Variants in NTNG2 observed in about 807,000 individuals in gnomAD.
The protein encoded by NTNG2 is netrin G2.
A neutral mutation model predicts 47.6 loss-of-function variants in NTNG2; 15 were observed. The ratio of observed to expected loss-of-function variants is 0.32; its 90% confidence interval spans 0.21 to 0.49. The LOEUF (loss-of-function observed/expected upper bound fraction) is 0.49. Among genes scored for constraint, NTNG2 ranks in the 20% least tolerant of loss-of-function variants. The pLI, the probability that NTNG2 is intolerant of heterozygous loss-of-function variation, is 0.99. For missense variants in NTNG2, 578 were observed against 764.6 expected, an observed-to-expected ratio of 0.76 and a Z score of 2.88; for synonymous variants, 307 against 324.6, an observed-to-expected ratio of 0.95 and a Z score of 0.58.
At chr9:132,241,768 C>A in intron 7 of NTNG2, 108 bp from the exon 8 acceptor site, 1 of 792,794 alleles carries the variant, frequency 1.3e-6, no homozygotes, top group Non-Finnish European at 1.9e-6. Context: ...CCTACATCCC[C>A]GGCCCAGACG....
At position 132,163,663 on chromosome 9, in the gene NTNG2, C is replaced by A. The variant is rs1835267512; in HGVS notation, c.-484+1424C>A. 1.3e-5 allele frequency among the ~76,000 whole-genome samples: 2 copies of A among 152,090 alleles called. No homozygotes were observed. The highest frequency in any genetic ancestry group is 4.1e-4 in the South Asian group (2 of 4,832). ...GCCCCGGGAGCCCCCAGCGCCCTCC[C>A]TCCCGTGCCCCCAGGGGCCCCGCGC... On this transcript the variant is annotated intron_variant, in intron 1 of 7. Transcript: ENST00000393229. This position sits in a 1 kb window ranked among gnomAD's most constrained non-coding sequence, Gnocchi z 7.2.
chr9:132,241,383 T>C, intron 7 of NTNG2: 1 of 393,254 alleles, frequency 2.5e-6, no homozygotes, highest in Non-Finnish European at 4.6e-6. Context: ...AGGATGCTGC[T>C]GAGGTCCGGG....
At chr9:132,190,643 T>G (rs1261900696) in intron 2 of NTNG2, among the ~76,000 whole-genome samples, 1 of 152,232 alleles carries the variant, frequency 6.6e-6, no homozygotes, top group Non-Finnish European at 1.5e-5. Context: ...TGCCTGCAGC[T>G]TGCCTATGAT....
chr9:132,233,503 G>A (rs186049242), intron 5 of NTNG2: 1 of 152,372 alleles, frequency 6.6e-6, no homozygotes, highest in East Asian at 1.9e-4. Flanking sequence ...CCCTCAGTGA[G>A]CAGAAGGCAC....
At chr9:132,176,093 A>G (rs1238288589) in intron 2 of NTNG2, among the ~76,000 whole-genome samples, 1 of 152,190 alleles carries the variant, frequency 6.6e-6, no homozygotes, top group East Asian at 1.9e-4. Flanking sequence ...TCACACCTAT[A>G]ACCCCAGCAC....
At chr9:132,192,879 C>CTGTAAACACACAGGCTGTG (rs1838005061) in intron 2 of NTNG2, among the ~76,000 whole-genome samples, 1 of 152,264 alleles carries the variant, frequency 6.6e-6, no homozygotes, top group East Asian at 1.9e-4. Flanking sequence ...GGCGAGGGGC[C>CTGTAAACACACAGGCTGTG]TGTAAACACA....
At chr9:132,209,920 C>T (rs1332896190) in intron 3 of NTNG2, among the ~76,000 whole-genome samples, 3 of 8,460 alleles carry the variant, frequency 3.5e-4, no homozygotes, top group South Asian at 4.9e-3. Context: ...GTGGGGAGGG[C>T]GGGAGGGACG....
chr9:132,199,068 C>T (rs1838544160), intron 3 of NTNG2, among the ~76,000 whole-genome samples: 1 of 152,106 alleles, frequency 6.6e-6, no homozygotes, highest in African/African-American at 2.4e-5. Context: ...TAGGGACTGC[C>T]TAGGATGGCT....
rs1841186227 is a variant in NTNG2, at chr9:132,231,154, G to A, written c.1054+559G>A. On this transcript the variant is annotated intron_variant, in intron 5 of 7. Coordinates refer to ENST00000393229, the MANE Select transcript of NTNG2 (RefSeq NM_032536.4). This position sits in a 1 kb window ranked among gnomAD's most constrained non-coding sequence, Gnocchi z 4.1. The stretch of plus-strand genomic sequence containing the variant: ...TCAGGTCCCAGGGGAGTCGGACCAG[G>A]GAGGGGCATCTGCAGGAGGTGGGGG... 1 of 381,014 alleles carries A rather than the reference G, an allele frequency of 2.6e-6. No homozygotes were observed. Among genetic ancestry groups the A allele is most frequent in the Non-Finnish European group, 5.3e-6 (1 of 190,408 alleles). The allele number at this position is 381,014 out of a possible 1,614,324, so 23.6% of individuals were successfully genotyped here.
intron 3 of NTNG2, among the ~76,000 whole-genome samples, chr9:132,216,802 C>T (rs538328549): frequency 4.6e-5 from 7 of 152,208 alleles, no homozygotes; most frequent in South Asian, 2.1e-4. Context: ...GGAGCCCAGA[C>T]TGCCCGCCCA....
At chr9:132,212,738 A>G (rs1839683137) in intron 3 of NTNG2, among the ~76,000 whole-genome samples, 1 of 152,128 alleles carries the variant, frequency 6.6e-6, no homozygotes, top group Admixed American at 6.5e-5. Flanking sequence ...TCCCCATCCC[A>G]TGAATTAGCT....
intron 3 of NTNG2, among the ~76,000 whole-genome samples, chr9:132,220,076 T>C (rs936113937): frequency 1.3e-5 from 2 of 152,240 alleles, no homozygotes; most frequent in Non-Finnish European, 2.9e-5. Flanking sequence ...TGGTGTGCAT[T>C]TCCCTGATGG....
intron 3 of NTNG2, among the ~76,000 whole-genome samples, chr9:132,206,670 A>AAAAT (rs1172325199): frequency 1.3e-5 from 2 of 152,376 alleles, no homozygotes; most frequent in South Asian, 2.1e-4. Context: ...CCGTCTCAAA[A>AAAAT]AAATAAATAA....
chr9:132,231,319 G>T lies in NTNG2; in HGVS notation c.1054+724G>T, dbSNP rs1409153235. 2.2e-6 allele frequency: 1 copy of T among 456,394 alleles called. No homozygotes were observed. The allele number at this position is 456,394 out of a possible 1,614,324, so 28.3% of individuals were successfully genotyped here. ...GCCTTGCAAACCCCTCCCCCTGGGA[G>T]GTCGCCATCTGCTCTGCGAGGCAGC... On this transcript the variant is annotated intron_variant, in intron 5 of 7. Transcript: ENST00000393229. This position sits in a 1 kb window ranked among gnomAD's most constrained non-coding sequence, Gnocchi z 4.1.
intron 5 of NTNG2, among the ~76,000 whole-genome samples, chr9:132,235,771 C>T (rs1361667374): frequency 2.0e-5 from 3 of 152,198 alleles, no homozygotes; most frequent in Non-Finnish European, 4.4e-5. Context: ...GAAGCGCCCT[C>T]TTAGACTCGT....
chr9:132,167,061 C>T lies in NTNG2; in HGVS notation c.213+17C>T. The T allele has an allele frequency of 6.2e-7, 1 of 1,612,256 alleles. No individual in the cohort carries two copies. The highest frequency in any genetic ancestry group is 1.7e-5 in the Admixed American group (1 of 59,958). ...TGCTCCCATGTAAGTCCACTTACTG[C>T]TCTTTTGTTTGCCCAGGCCAAGTGG... is the stretch of plus-strand genomic sequence containing the variant. On this transcript the variant is annotated intron_variant, in intron 2 of 7. Transcript: ENST00000393229.
At chr9:132,171,094 T>C (rs1343379729) in intron 2 of NTNG2, among the ~76,000 whole-genome samples, 1 of 152,168 alleles carries the variant, frequency 6.6e-6, no homozygotes, top group Non-Finnish European at 1.5e-5. Context: ...CGGGCCTTGC[T>C]TGCCAAGGCG....
intron 3 of NTNG2, among the ~76,000 whole-genome samples, chr9:132,200,207 C>T (rs578117955): frequency 3.9e-5 from 6 of 152,190 alleles, no homozygotes; most frequent in African/African-American, 7.2e-5. Flanking sequence ...AGGGCTGGGG[C>T]GGGCTGAGGG....
In NTNG2 at chr9:132,197,112, G is replaced by A. The variant is rs2011023; in HGVS notation, c.214-854G>A. Reference sequence around the variant, plus strand: ...GTACAGGTAAAAAGGCTCAGGGGCCGGGCGCAGTGGCTCACGTCTGCAATC... The same window carrying A: ...GTACAGGTAAAAAGGCTCAGGGGCCAGGCGCAGTGGCTCACGTCTGCAATC... On this transcript the variant is annotated intron_variant, in intron 2 of 7. Transcript: ENST00000393229. The surrounding 1 kb of genome is among the most constrained non-coding windows in gnomAD (Gnocchi z 4.3). Among the ~76,000 whole-genome samples, 81,898 of 152,090 alleles carry A rather than the reference G, an allele frequency of 0.54. 24,049 individuals carry two copies. The highest frequency in any genetic ancestry group is 0.79 in the African/African-American group (32,863 of 41,508).
Sources: allele counts gnomAD v4.1 joint callset (sites outside exome capture counted in the v4.1 genomes callset), GRCh38; gene constraint gnomAD v4.1.1; non-coding constraint Gnocchi (gnomAD v3.1); transcripts MANE v1.5; gene names NCBI Gene and HGNC (gene_info 2026-07-23, HGNC 2026-07-21).